Variants in CRADD observed in about 807,000 individuals in gnomAD.
The protein encoded by CRADD is death domain-containing protein CRADD.
Under a neutral mutation model 15.5 loss-of-function variants are expected in CRADD, and 9 were observed. The observed-to-expected ratio is 0.58, with a 90% CI of 0.35 to 1.01. The LOEUF (loss-of-function observed/expected upper bound fraction) is 1.01, where lower values mean the gene tolerates loss of function less well. CRADD is among the 50% of genes least tolerant of loss of function. The pLI, the probability that CRADD is intolerant of heterozygous loss-of-function variation, is 0.02. For missense variants in CRADD, 227 were observed against 250.3 expected (o/e 0.91, Z 0.63); for synonymous variants, 118 against 107.6 (o/e 1.10, Z -0.60).
chr12:93,842,740 C>T (rs1204769865), intron 2 of CRADD, among the ~76,000 whole-genome samples: 1 of 132,328 alleles, frequency 7.6e-6, no homozygotes, highest in Non-Finnish European at 1.5e-5. Context: ...AGGGAGAATG[C>T]TATGTTGTTT....
chr12:93,754,973 A>G (rs1413213834), intron 2 of CRADD, among the ~76,000 whole-genome samples: 1 of 152,112 alleles, frequency 6.6e-6, no homozygotes, highest in Non-Finnish European at 1.5e-5. Context: ...ATTAAAAAAA[A>G]AAAAGGGTTT....
chr12:93,691,347 G>A (rs1030932587), intron 2 of CRADD, among the ~76,000 whole-genome samples: 3 of 151,312 alleles, frequency 2.0e-5, no homozygotes, highest in African/African-American at 4.9e-5. Context: ...TCCGCCTCCC[G>A]GGTTCAAGCA....
At chr12:93,739,258 T>C (rs1227023763) in intron 2 of CRADD, among the ~76,000 whole-genome samples, 1 of 152,144 alleles carries the variant, frequency 6.6e-6, no homozygotes, top group African/African-American at 2.4e-5. Context: ...TAGTGTAGCC[T>C]CTTTTCCTTT....
intron 2 of CRADD, among the ~76,000 whole-genome samples, chr12:93,802,995 A>T (rs2136998829): frequency 6.6e-6 from 1 of 152,314 alleles, no homozygotes; most frequent in South Asian, 2.1e-4. Flanking sequence ...TTTATTTCAG[A>T]GATAAAATGC....
chr12:93,870,237 A>G (rs1173973321), intron 2 of CRADD, among the ~76,000 whole-genome samples: 1 of 152,218 alleles, frequency 6.6e-6, no homozygotes, highest in Non-Finnish European at 1.5e-5. Flanking sequence ...GACATACGAC[A>G]TAACAACACA....
intron 2 of CRADD, among the ~76,000 whole-genome samples, chr12:93,724,813 A>C (rs1357960870): frequency 6.6e-6 from 1 of 151,942 alleles, no homozygotes; most frequent in Non-Finnish European, 1.5e-5. Context: ...TGAGCAGAAG[A>C]TTGTGACATA....
intron 2 of CRADD, among the ~76,000 whole-genome samples, chr12:93,725,733 G>A (rs1405125225): frequency 1.3e-5 from 2 of 152,244 alleles, no homozygotes; most frequent in Non-Finnish European, 2.9e-5. Context: ...AGGTTGAGAA[G>A]CTGGGGAGAT....
At chr12:93,757,157 C>T (rs1167187865) in intron 2 of CRADD, among the ~76,000 whole-genome samples, 3 of 152,172 alleles carry the variant, frequency 2.0e-5, no homozygotes, top group Admixed American at 6.5e-5. Context: ...AGAAGATTTT[C>T]GTATTATCTC....
In CRADD at chr12:93,723,632, G is replaced by A. The variant is rs560563529; in HGVS notation, c.298+44560G>A. Among the ~76,000 whole-genome samples, 22 of 152,278 alleles carry A rather than the reference G, an allele frequency of 1.4e-4. No individual in the cohort carries two copies. The South Asian group carries it at 4.4e-3, about 30-fold the overall frequency. On this transcript the variant is annotated intron_variant, in intron 2 of 2. Transcript: ENST00000332896. ...TGTCCTCTTGCTTAGCTGCCTCTGGGTTTATTAAACTCTTTCTCTATTGCA... is the reference window on the plus strand; with the variant it reads ...TGTCCTCTTGCTTAGCTGCCTCTGGATTTATTAAACTCTTTCTCTATTGCA...
intron 2 of CRADD, among the ~76,000 whole-genome samples, chr12:93,825,877 A>T (rs1283859621): frequency 1.3e-5 from 2 of 152,216 alleles, no homozygotes; most frequent in Non-Finnish European, 2.9e-5. Context: ...CATCTCCCTG[A>T]TGGTTTTGTC....
At chr12:93,790,695 G>A (rs1426359341) in intron 2 of CRADD, 1 of 152,040 alleles carries the variant, frequency 6.6e-6, no homozygotes, top group Non-Finnish European at 1.5e-5. Flanking sequence ...TTAGGCAAGA[G>A]ACAGCTGTGC....
chr12:93,758,977 T>G (rs1414692750), intron 2 of CRADD, among the ~76,000 whole-genome samples: 1 of 152,236 alleles, frequency 6.6e-6, no homozygotes, highest in Non-Finnish European at 1.5e-5. Context: ...GTATTTTGTC[T>G]CTTTTGAGCT....
At position 93,827,207 on chromosome 12, in the gene CRADD, C is replaced by T. The variant is rs79909747; in HGVS notation, c.299-22763C>T. On this transcript the variant is annotated intron_variant, in intron 2 of 2. Transcript: ENST00000332896. ...ACACTCCTAAAAGTTTTCTCATGTCCCTCTATAATTCCTTCTTCCCATCAC... is the reference window on the plus strand; with the variant it reads ...ACACTCCTAAAAGTTTTCTCATGTCTCTCTATAATTCCTTCTTCCCATCAC... Among the ~76,000 whole-genome samples the T allele has an allele frequency of 8.9e-3, 1,360 of 152,200 alleles. 23 individuals are homozygous for T. Among genetic ancestry groups the T allele is most frequent in the African/African-American group, 0.029 (1,205 of 41,526 alleles).
intron 2 of CRADD, among the ~76,000 whole-genome samples, chr12:93,775,549 T>C (rs146037743): frequency 3.4e-5 from 5 of 148,250 alleles, no homozygotes; most frequent in African/African-American, 1.2e-4. Context: ...GGTTACTCTA[T>C]AGTCTGGTGT....
intron 2 of CRADD, among the ~76,000 whole-genome samples, chr12:93,818,641 G>C (rs2137016107): frequency 6.6e-6 from 1 of 152,320 alleles, no homozygotes. Context: ...TGCAGAGGGG[G>C]CAAGGGGTGG....
At chr12:93,684,773 G>T (rs1320873949) in intron 2 of CRADD, among the ~76,000 whole-genome samples, 1 of 152,210 alleles carries the variant, frequency 6.6e-6, no homozygotes, top group African/African-American at 2.4e-5. Flanking sequence ...ACTGAGTTTG[G>T]CTGCAGAGTT....
chr12:93,772,906 G>A (rs1565908115), intron 2 of CRADD, among the ~76,000 whole-genome samples: 1 of 152,096 alleles, frequency 6.6e-6, no homozygotes, highest in Non-Finnish European at 1.5e-5. Flanking sequence ...AACTGGGAAG[G>A]GTACCCAGAA....
intron 2 of CRADD, among the ~76,000 whole-genome samples, chr12:93,779,797 C>T (rs1033433084): frequency 2.0e-5 from 3 of 152,100 alleles, no homozygotes; most frequent in Admixed American, 6.6e-5. Flanking sequence ...CCATGTTGGC[C>T]AGGCTGGTCT....
At chr12:93,891,074 T>C (rs1471846848) in intron 2 of CRADD, among the ~76,000 whole-genome samples, 1 of 152,112 alleles carries the variant, frequency 6.6e-6, no homozygotes, top group African/African-American at 2.4e-5. Context: ...ATGTATTTGA[T>C]TGAAGTCTCA....
Sources: gnomAD v4.1 joint callset for allele counts (sites outside exome capture counted in the v4.1 genomes callset) on GRCh38, gnomAD v4.1.1 for gene constraint, MANE v1.5 for transcripts, NCBI Gene and HGNC (gene_info 2026-07-23, HGNC 2026-07-21) for gene names.